Variants in NHSL1 observed in about 807,000 individuals in gnomAD.
NHSL1 encodes NHS-like protein 1.
In NHSL1, 48 loss-of-function variants were observed where a neutral mutation model predicts 95.0. That is an observed-to-expected ratio of 0.51 (90% CI 0.40 to 0.64). The LOEUF is 0.64. NHSL1 is among the 30% of genes least tolerant of loss of function. The pLI is 0.00. For missense variants in NHSL1, 1,971 were observed against 2,077.7 expected, an observed-to-expected ratio of 0.95 and a Z score of 1.00; for synonymous variants, 783 against 833.9, an observed-to-expected ratio of 0.94 and a Z score of 1.05.
intron 3 of NHSL1, among the ~76,000 whole-genome samples, chr6:138,463,430 T>C (rs964373993): frequency 6.6e-6 from 1 of 152,114 alleles, no homozygotes; most frequent in Non-Finnish European, 1.5e-5. Context: ...CAGTGCCCAC[T>C]TGCTCTGGTG....
intron 1 of NHSL1, chr6:138,512,380 C>T (rs1191832608): frequency 2.2e-6 from 1 of 447,538 alleles, no homozygotes; most frequent in Non-Finnish European, 4.5e-6. Context: ...GAACTCGTTC[C>T]GGCACGATGT....
rs35629338 is a variant in NHSL1, at chr6:138,639,886, C to CTT, written c.96+52588_96+52589dup. 1.7e-3 allele frequency among the ~76,000 whole-genome samples: 205 copies of CTT among 123,210 alleles called. 2 individuals are homozygous for CTT. Among genetic ancestry groups the CTT allele is most frequent in the African/African-American group, 4.4e-3 (148 of 33,402 alleles). The allele number at this position is 123,210 out of a possible 152,430, so 80.8% of individuals were successfully genotyped here. On this transcript the variant is annotated intron_variant, in intron 1 of 3. Transcript: ENST00000491526. ...TTACAAACCATTTTTCAAATTTTAGCTTTTTTTTTTTTTTTACAAAATGCA... is the reference window on the plus strand; with the variant it reads ...TTACAAACCATTTTTCAAATTTTAGCTTTTTTTTTTTTTTTTTACAAAATGCA...
chr6:138,587,955 A>G (rs1039006749), intron 1 of NHSL1, among the ~76,000 whole-genome samples: 1 of 152,278 alleles, frequency 6.6e-6, no homozygotes, highest in Non-Finnish European at 1.5e-5. Flanking sequence ...TAATCCCATC[A>G]TACACCTTCA....
At position 138,431,616 on chromosome 6, in the gene NHSL1, G is replaced by C. The variant is rs541147054; in HGVS notation, c.2729C>G (p.Ser910Cys). The change falls in exon 6 of 8, where the codon TCT (serine) becomes TGT (cysteine). Residue 910 changes from serine to cysteine, a missense_variant. Ser to Cys is a moderately radical substitution (Grantham distance 112). Around this residue, in one of 3 missense-constraint regions of NHSL1, gnomAD observed 1,602 missense variants for 1,654.5 expected, o/e 0.97. Transcript: ENST00000343505. This position sits in a 1 kb window ranked among gnomAD's most constrained non-coding sequence, Gnocchi z 4.0. ...CTTCATAGTGCCACTTCCTTCAGTA[G>C]AAGTACTAGAAGAAAGAGAAGTGGA... ...SSSTSLSSST[S>C]TEGSGTMKKL... 3 of 1,551,408 alleles carry C rather than the reference G, an allele frequency of 1.9e-6. No homozygotes were observed. Among genetic ancestry groups the C allele is most frequent in the East Asian group, 4.9e-5 (2 of 40,920 alleles).
chr6:138,428,311 T>C (rs1289046480), intron 7 of NHSL1, among the ~76,000 whole-genome samples: 1 of 152,244 alleles, frequency 6.6e-6, no homozygotes, highest in Non-Finnish European at 1.5e-5. Context: ...TACCAGTTGG[T>C]TTCATTTAAT....
chr6:138,526,510 C>T (rs1781912051), intron 1 of NHSL1, among the ~76,000 whole-genome samples: 2 of 152,110 alleles, frequency 1.3e-5, no homozygotes, highest in South Asian at 2.1e-4. Flanking sequence ...TATTTTACCA[C>T]ACACAGTGCC....
intron 1 of NHSL1, among the ~76,000 whole-genome samples, chr6:138,511,383 TGA>T (rs145173760): frequency 0.081 from 12,150 of 150,198 alleles, 745 homozygotes; most frequent in East Asian, 0.32. Flanking sequence ...AAAAAACCAC[TGA>T]GAGAGAGAGA....
In NHSL1 at chr6:138,428,032, C is replaced by T. The variant is rs76878497; in HGVS notation, c.4085+1679G>A. Among the ~76,000 whole-genome samples, 1,386 of 152,286 alleles carry T rather than the reference C, an allele frequency of 9.1e-3. 20 individuals carry two copies. The highest frequency in any genetic ancestry group is 0.032 in the African/African-American group (1,313 of 41,548). ...TGTAACGTCCTAGTAAGAGAAACAA[C>T]ACATTTTTCGATGCCTTAAGAAGGT... On this transcript the variant is annotated intron_variant, in intron 7 of 7. Coordinates refer to ENST00000343505, the MANE Select transcript of NHSL1 (RefSeq NM_001144060.2).
intron 1 of NHSL1, among the ~76,000 whole-genome samples, chr6:138,507,625 A>C (rs1781025808): frequency 6.6e-6 from 1 of 152,244 alleles, no homozygotes; most frequent in African/African-American, 2.4e-5. Context: ...GGTAATGCAG[A>C]GATACTGTCC....
At chr6:138,512,434 C>A in intron 1 of NHSL1, 1 of 384,898 alleles carries the variant, frequency 2.6e-6, no homozygotes, top group Non-Finnish European at 5.1e-6. Flanking sequence ...GCTCAGTAAC[C>A]TCCCTCTTCT....
rs141291181 is a variant in NHSL1 at position 138,561,983 on chromosome 6, G to A, written c.202+9727C>T. Among the ~76,000 whole-genome samples, 729 of 152,300 alleles carry A rather than the reference G, an allele frequency of 4.8e-3. 4 individuals carry two copies. The highest frequency in any genetic ancestry group is 6.1e-3 in the Non-Finnish European group (413 of 68,028). On this transcript the variant is annotated intron_variant, in intron 1 of 6. Transcript: ENST00000427025. ...TACTAGTCAGTCATCAAATGTCAGC[G>A]ATGAACTGATAGAGAATGCTCAGAG... is the stretch of plus-strand genomic sequence containing the variant.
At chr6:138,640,657 C>A (rs1462869888) in intron 1 of NHSL1, among the ~76,000 whole-genome samples, 1 of 152,122 alleles carries the variant, frequency 6.6e-6, no homozygotes, top group Non-Finnish European at 1.5e-5. Context: ...ACATGCAAAT[C>A]CGTGTCAATT....
At chr6:138,464,625 C>A (rs1259358514) in intron 3 of NHSL1, among the ~76,000 whole-genome samples, 1 of 151,936 alleles carries the variant, frequency 6.6e-6, no homozygotes, top group Non-Finnish European at 1.5e-5. Context: ...TAGTAGCTTT[C>A]CTTCACTTGT....
At chr6:138,607,812 G>T (rs1261665907) in intron 1 of NHSL1, among the ~76,000 whole-genome samples, 1 of 152,232 alleles carries the variant, frequency 6.6e-6, no homozygotes, top group Non-Finnish European at 1.5e-5. Flanking sequence ...CCAAATGGGT[G>T]CTTTGTAATG....
In NHSL1 at chr6:138,536,602, C is replaced by CT. The variant is rs563509738; in HGVS notation, c.16+9020dup. ...GGTTTTGGAGAGGGACATATGTCAT[C>CT]TTTTTTTTTTTTTTTTTTTTTTTTT... On this transcript the variant is annotated intron_variant, in intron 1 of 4. Coordinates refer to the NHSL1 transcript ENST00000342260. 4.8e-3 allele frequency among the ~76,000 whole-genome samples: 386 copies of CT among 80,014 alleles called. 32 individuals carry two copies. The highest frequency in any genetic ancestry group is 7.2e-3 in the Non-Finnish European group (296 of 41,176). 52.5% of individuals were successfully genotyped at this position (80,014 alleles called of 152,430 possible).
chr6:138,666,384 G>A (rs1583472288), intron 1 of NHSL1, among the ~76,000 whole-genome samples: 2 of 152,210 alleles, frequency 1.3e-5, no homozygotes, highest in East Asian at 3.9e-4. Context: ...GAGGTCAAGA[G>A]ATCAAGACCA....
chr6:138,661,789 C>T (rs1785230494), intron 1 of NHSL1, among the ~76,000 whole-genome samples: 1 of 152,080 alleles, frequency 6.6e-6, no homozygotes, highest in Non-Finnish European at 1.5e-5. Flanking sequence ...CAGCTTGGGA[C>T]AGGCAGGTGG....
In NHSL1 at chr6:138,447,083, C is replaced by T. The variant is rs1432188102; in HGVS notation, c.450G>A (p.Ser150=). The change falls in exon 4 of 8, where the codon TCG becomes TCA. Residue 150 remains serine (S), a synonymous_variant. Transcript: ENST00000343505. ...DLNTQTNWTK[S]LPLPTPEEKM... is the part of the protein sequence containing the mutation. The stretch of plus-strand genomic sequence containing the variant: ...TCTCTTCTGGTGTTGGCAGTGGAAG[C>T]GACTTGGTCCAGTTCGTCTGAGTAT... 9 of 1,551,546 alleles carry T rather than the reference C, an allele frequency of 5.8e-6. No individual in the cohort carries two copies. The highest frequency in any genetic ancestry group is 4.9e-5 in the East Asian group (2 of 40,920).
At chr6:138,503,117 G>C (rs1780774803), upstream of NHSL1, among the ~76,000 whole-genome samples, 1 of 151,994 alleles carries the variant, frequency 6.6e-6, no homozygotes, top group Non-Finnish European at 1.5e-5. Flanking sequence ...ATTCTCAGTG[G>C]TCATCGGTGA....
Sources: allele counts gnomAD v4.1 joint callset (sites outside exome capture counted in the v4.1 genomes callset), GRCh38; gene constraint gnomAD v4.1.1; regional missense constraint gnomAD v4.1.1; non-coding constraint Gnocchi (gnomAD v3.1); transcripts MANE v1.5; gene names NCBI Gene and HGNC (gene_info 2026-07-23, HGNC 2026-07-21).